Variants in RBFOX1 observed in about 807,000 individuals in gnomAD.
The protein encoded by RBFOX1 is RNA binding protein fox-1 homolog 1.
Under a neutral mutation model 57.7 loss-of-function variants are expected in RBFOX1, and 8 were observed. The observed-to-expected ratio is 0.14, with a 90% CI of 0.08 to 0.25. RBFOX1 has a LOEUF of 0.25. Ranked by LOEUF, RBFOX1 falls within the 10% of genes least tolerant of loss-of-function variation. RBFOX1 has a pLI of 1.00. For synonymous variants in RBFOX1, 326 were observed against 222.4 expected (o/e 1.47, Z -4.15); for missense variants, 611 against 548.5 (o/e 1.11, Z -1.14).
chr16:7,432,671 C>A (rs2098691535), intron 4 of RBFOX1, among the ~76,000 whole-genome samples: 1 of 152,148 alleles, frequency 6.6e-6, no homozygotes, highest in Non-Finnish European at 1.5e-5. Flanking sequence ...TCTAATAAAA[C>A]TTTATTTACC....
intron 4 of RBFOX1, among the ~76,000 whole-genome samples, chr16:7,506,400 A>G (rs917706613): frequency 4.6e-5 from 7 of 152,104 alleles, no homozygotes; most frequent in Admixed American, 4.6e-4. Context: ...GAAAAAGAAG[A>G]TAAAAATATG....
chr16:5,295,073 T>G (rs1009393810), intron 1 of RBFOX1, among the ~76,000 whole-genome samples: 2 of 142,210 alleles, frequency 1.4e-5, no homozygotes, highest in Non-Finnish European at 3.1e-5. Flanking sequence ...TTTATGGAGC[T>G]CTCAGTAAAA....
intron 3 of RBFOX1, among the ~76,000 whole-genome samples, chr16:6,760,554 G>C (rs192246440): frequency 6.6e-6 from 1 of 152,284 alleles, no homozygotes; most frequent in East Asian, 1.9e-4. Context: ...GGAAGGAATT[G>C]TTAGTCTTCT....
intron 2 of RBFOX1, among the ~76,000 whole-genome samples, chr16:6,352,163 C>T (rs1417024616): frequency 6.6e-6 from 1 of 152,200 alleles, no homozygotes; most frequent in Non-Finnish European, 1.5e-5. Context: ...TCTCAAGTCC[C>T]AGACCTCCCA....
intron 3 of RBFOX1, among the ~76,000 whole-genome samples, chr16:7,008,060 A>C (rs80257658): frequency 6.6e-6 from 1 of 152,150 alleles, no homozygotes; most frequent in Admixed American, 6.5e-5. Context: ...GTTGAGAGCA[A>C]ACTTGGATCC....
intron 4 of RBFOX1, among the ~76,000 whole-genome samples, chr16:7,062,291 C>G (rs1177337799): frequency 2.6e-5 from 3 of 116,994 alleles, no homozygotes; most frequent in Non-Finnish European, 4.8e-5. Context: ...GCACTCCAGT[C>G]TGAGAGACAG....
chr16:7,431,390 T>C (rs1568871549), intron 4 of RBFOX1: 1 of 135,610 alleles, frequency 7.4e-6, no homozygotes, highest in Non-Finnish European at 1.5e-5. Context: ...ACATGCGCAG[T>C]TAATTTTTTA....
intron 5 of RBFOX1, among the ~76,000 whole-genome samples, chr16:7,554,593 T>C (rs141669251): frequency 1.7e-3 from 258 of 152,310 alleles, no homozygotes; most frequent in African/African-American, 5.9e-3. Context: ...ACCTTTAGAA[T>C]TGCCATGAAG....
intron 4 of RBFOX1, among the ~76,000 whole-genome samples, chr16:7,092,160 T>C (rs2060968070): frequency 6.6e-6 from 1 of 152,236 alleles, no homozygotes; most frequent in Admixed American, 6.5e-5. Flanking sequence ...TTTTCTCAAT[T>C]TGAATATAGC....
At chr16:5,878,180 T>A (rs2057665010) in intron 4 of RBFOX1, among the ~76,000 whole-genome samples, 1 of 152,132 alleles carries the variant, frequency 6.6e-6, no homozygotes, top group Non-Finnish European at 1.5e-5. Context: ...GCTGGACATG[T>A]GGATGAAGGG....
chr16:5,745,787 T>A (rs1473151927), intron 3 of RBFOX1, among the ~76,000 whole-genome samples: 1 of 152,176 alleles, frequency 6.6e-6, no homozygotes, highest in Admixed American at 6.6e-5. Context: ...TTTGATGGGG[T>A]TGTTTTTTTC....
intron 4 of RBFOX1, among the ~76,000 whole-genome samples, chr16:7,149,755 A>G (rs1008585133): frequency 5.3e-5 from 8 of 151,786 alleles, no homozygotes; most frequent in African/African-American, 1.9e-4. Context: ...CCTCTACCCC[A>G]TTCTGACAAC....
intron 1 of RBFOX1, among the ~76,000 whole-genome samples, chr16:6,308,967 C>A (rs7201177): frequency 0.024 from 3,639 of 151,792 alleles, 161 homozygotes; most frequent in African/African-American, 0.083. Context: ...CTCTCTGCTT[C>A]TACAAGAATA....
intron 4 of RBFOX1, among the ~76,000 whole-genome samples, chr16:7,443,544 A>G (rs558438421): frequency 1.3e-5 from 2 of 152,190 alleles, no homozygotes; most frequent in African/African-American, 2.4e-5. Context: ...TGTTGGTGTA[A>G]TAAGTATCCT....
At chr16:6,572,687 G>A (rs1428813556) in intron 2 of RBFOX1, among the ~76,000 whole-genome samples, 1 of 151,884 alleles carries the variant, frequency 6.6e-6, no homozygotes, top group East Asian at 1.9e-4. Context: ...CTGCCTCCCG[G>A]GCTCAAGCGA....
chr16:5,415,782 A>G (rs770765025), intron 1 of RBFOX1, among the ~76,000 whole-genome samples: 1 of 152,226 alleles, frequency 6.6e-6, no homozygotes, highest in Non-Finnish European at 1.5e-5. Flanking sequence ...TGTGGTATGG[A>G]TATAGCAAAA....
intron 11 of RBFOX1, among the ~76,000 whole-genome samples, chr16:7,638,477 G>A (rs984081109): frequency 6.6e-6 from 1 of 152,132 alleles, no homozygotes; most frequent in Non-Finnish European, 1.5e-5. Flanking sequence ...GCAGGGAGTG[G>A]TCACGGGGAA....
At chr16:5,277,934 AT>A (rs2063181643) in intron 1 of RBFOX1, among the ~76,000 whole-genome samples, 1 of 152,146 alleles carries the variant, frequency 6.6e-6, no homozygotes, top group East Asian at 1.9e-4. Context: ...TATCTTGGCT[AT>A]TGTAAATAGT....
At chr16:7,560,498 G>A (rs563596638) in intron 5 of RBFOX1, among the ~76,000 whole-genome samples, 2 of 151,240 alleles carry the variant, frequency 1.3e-5, no homozygotes, top group South Asian at 2.1e-4. Flanking sequence ...TCATCCTGCG[G>A]TGGGAACATA....
Sources: allele counts gnomAD v4.1 joint callset (sites outside exome capture counted in the v4.1 genomes callset), GRCh38; gene constraint gnomAD v4.1.1; transcripts MANE v1.5; gene names NCBI Gene and HGNC (gene_info 2026-07-23, HGNC 2026-07-21).